PREX2: variants seen among roughly 807,000 people sequenced by gnomAD.
PREX2 encodes phosphatidylinositol 3,4,5-trisphosphate-dependent Rac exchanger 2 protein.
A neutral mutation model predicts 203.2 loss-of-function variants in PREX2; 107 were observed. The ratio of observed to expected loss-of-function variants is 0.53; its 90% CI spans 0.45 to 0.62. The LOEUF (loss-of-function observed/expected upper bound fraction) is 0.62, where lower values mean the gene tolerates loss of function less well. PREX2 is among the 20% of genes least tolerant of loss of function. The pLI is 0.00. For synonymous variants in PREX2, 672 were observed against 663.6 expected (o/e 1.01, Z -0.19); for missense variants, 1,777 against 1,955.9 (o/e 0.91, Z 1.72).
chr8:67,958,921 T>C (rs55747329), intron 1 of PREX2, among the ~76,000 whole-genome samples: 4,530 of 152,272 alleles, frequency 0.03, 217 homozygotes, highest in African/African-American at 0.1. Context: ...GAGCCACAAA[T>C]ACTACTATGA....
intron 2 of PREX2, among the ~76,000 whole-genome samples, chr8:68,018,706 A>G (rs1445957648): frequency 6.6e-6 from 1 of 152,194 alleles, no homozygotes; most frequent in Non-Finnish European, 1.5e-5. Flanking sequence ...ACTGAAAGGA[A>G]GGAAAACTGT....
chr8:68,047,469 TTATATATATATATATATATA>T lies in PREX2; in HGVS notation c.943+2898_943+2917del, dbSNP rs3056653. 2.0e-3 allele frequency among the ~76,000 whole-genome samples: 232 copies of T among 117,606 alleles called. 1 individual carries two copies. The highest frequency in any genetic ancestry group is 2.9e-3 in the Non-Finnish European group (167 of 57,302). The allele number at this position is 117,606 out of a possible 152,430, so 77.2% of individuals were successfully genotyped here. A position where few individuals can be genotyped will look rare whatever the true frequency, so the allele number is the denominator to read the frequency against. On this transcript the variant is annotated intron_variant, in intron 8 of 39. Transcript: ENST00000288368. Reference sequence around the variant, plus strand: ...GTTATAAATAATAAAATGGATGAATTTATATATATATATATATATATATATATATATATATATACACATAC... The same window carrying T: ...GTTATAAATAATAAAATGGATGAATTTATATATATATATATATACACATAC...
chr8:68,206,821 C>G (rs1375499485), intron 37 of PREX2, among the ~76,000 whole-genome samples: 2 of 152,160 alleles, frequency 1.3e-5, no homozygotes, highest in African/African-American at 4.8e-5. Context: ...CCTCATTGCT[C>G]TTAGAGTCTG....
At chr8:68,197,581 C>T (rs902837376) in intron 37 of PREX2, among the ~76,000 whole-genome samples, 1 of 151,718 alleles carries the variant, frequency 6.6e-6, no homozygotes, top group African/African-American at 2.4e-5. Context: ...TCCTAAAGGC[C>T]CCATCTCTTA....
intron 1 of PREX2, among the ~76,000 whole-genome samples, chr8:68,009,134 A>C (rs1380203338): frequency 6.6e-6 from 1 of 151,958 alleles, no homozygotes; most frequent in Non-Finnish European, 1.5e-5. Context: ...TCAGGTTGGG[A>C]TCTTCATTCA....
At chr8:68,123,251 A>C (rs1585811937) in intron 30 of PREX2, among the ~76,000 whole-genome samples, 1 of 152,222 alleles carries the variant, frequency 6.6e-6, no homozygotes, top group African/African-American at 2.4e-5. Context: ...TTAAGAGGAA[A>C]ATTTGTCGCA....
At chr8:68,175,640 CTG>C (rs1449806505) in intron 35 of PREX2, among the ~76,000 whole-genome samples, 1 of 152,164 alleles carries the variant, frequency 6.6e-6, no homozygotes, top group Non-Finnish European at 1.5e-5. Context: ...TGGTGTGAGA[CTG>C]TGAATCAGGC....
chr8:68,234,687 C>T lies in PREX2; in HGVS notation c.*3309C>T, dbSNP rs1359713739. 12 of 151,932 alleles carry T rather than the reference C, an allele frequency of 7.9e-5. 1 individual carries two copies. The highest frequency in any genetic ancestry group is 2.0e-4 in the Admixed American group (3 of 15,222). The allele number at this position is 151,932 out of a possible 1,614,324, so 9.4% of individuals were successfully genotyped here. A position where few individuals can be genotyped will look rare whatever the true frequency, so the allele number is the denominator to read the frequency against. ...TAGTATAAGCTTTATTTTATCAGTT[C>T]GCAAATCTGAAGTCTCATACTGTTT... On this transcript the variant is annotated 3_prime_UTR_variant, in exon 40 of 40. Transcript: ENST00000288368.
In PREX2 at chr8:68,092,414, A is replaced by G. The variant is rs150197284; in HGVS notation, c.2251-1191A>G. On this transcript the variant is annotated intron_variant, in intron 20 of 39. Coordinates refer to ENST00000288368, the MANE Select transcript of PREX2 (RefSeq NM_024870.4). The stretch of plus-strand genomic sequence containing the variant: ...ATCGAATACAAAAAATAGATAATAC[A>G]TATTGTATCATACTTCAATAATGCA... Among the ~76,000 whole-genome samples, 103 of 152,318 alleles carry G rather than the reference A, an allele frequency of 6.8e-4. 2 individuals are homozygous for G. In the East Asian group the frequency reaches 0.019, roughly 28 times the overall value.
intron 1 of PREX2, among the ~76,000 whole-genome samples, chr8:67,997,493 C>G (rs1408258700): frequency 2.6e-5 from 4 of 152,170 alleles, no homozygotes; most frequent in Non-Finnish European, 5.9e-5. Context: ...TATGCTCATT[C>G]TATTTGTTTT....
chr8:68,169,523 A>G (rs1811832615), intron 35 of PREX2, among the ~76,000 whole-genome samples: 1 of 152,178 alleles, frequency 6.6e-6, no homozygotes. Flanking sequence ...AATACCTACC[A>G]AATTTTAAGA....
At chr8:68,110,344 T>A (rs1045253533) in intron 25 of PREX2, among the ~76,000 whole-genome samples, 2 of 152,194 alleles carry the variant, frequency 1.3e-5, no homozygotes, top group African/African-American at 4.8e-5. Flanking sequence ...GGGTTTGAGG[T>A]AGCTCAGTTT....
chr8:67,993,356 A>G (rs986680666), intron 1 of PREX2, among the ~76,000 whole-genome samples: 2 of 151,494 alleles, frequency 1.3e-5, no homozygotes, highest in African/African-American at 2.4e-5. Context: ...AGAGAATACT[A>G]TGTCTTGCAA....
At chr8:68,152,868 C>T (rs1811470528) in intron 34 of PREX2, among the ~76,000 whole-genome samples, 1 of 152,164 alleles carries the variant, frequency 6.6e-6, no homozygotes, top group Non-Finnish European at 1.5e-5. Context: ...TGGATCTCCA[C>T]AGGAGTGTGT....
chr8:68,092,333 A>T, intron 20 of PREX2, among the ~76,000 whole-genome samples: 1 of 152,200 alleles, frequency 6.6e-6, no homozygotes, highest in East Asian at 1.9e-4. Context: ...GAATGATCAA[A>T]TGTTAATTAG....
At chr8:68,010,940 A>G (rs1807240410) in intron 1 of PREX2, among the ~76,000 whole-genome samples, 3 of 152,352 alleles carry the variant, frequency 2.0e-5, no homozygotes, top group South Asian at 2.1e-4. Context: ...CAAGGAACAC[A>G]AGATCTTCAT....
At chr8:68,103,011 C>T (rs764029736) in intron 23 of PREX2, 4 of 497,754 alleles carry the variant, frequency 8.0e-6, no homozygotes, top group South Asian at 2.9e-5. Context: ...TACATTTGTT[C>T]TTCTGCTTTA....
At chr8:68,103,698 C>T (rs1001378876) in intron 23 of PREX2, 1 of 519,390 alleles carries the variant, frequency 1.9e-6, no homozygotes, top group African/African-American at 1.9e-5. Flanking sequence ...TGATAGCATT[C>T]CTTGTCTTAG....
At chr8:68,161,190 A>T (rs1388431746) in intron 35 of PREX2, among the ~76,000 whole-genome samples, 1 of 151,368 alleles carries the variant, frequency 6.6e-6, no homozygotes, top group African/African-American at 2.4e-5. Flanking sequence ...TGCCTCCTGG[A>T]TTCAAATGAT....
Sources: allele counts gnomAD v4.1 joint callset (sites outside exome capture counted in the v4.1 genomes callset), GRCh38; gene constraint gnomAD v4.1.1; transcripts MANE v1.5; gene names NCBI Gene and HGNC (gene_info 2026-07-23, HGNC 2026-07-21).